Variants in TDRD5 observed in about 807,000 individuals in gnomAD.
TDRD5 encodes tudor domain containing 5.
Under a neutral mutation model 120.6 loss-of-function variants are expected in TDRD5, and 41 were observed. That is an observed-to-expected ratio of 0.34 (90% CI 0.26 to 0.44). The LOEUF (loss-of-function observed/expected upper bound fraction) is 0.44. Ranked by LOEUF, TDRD5 falls within the 20% of genes least tolerant of loss-of-function variation. TDRD5 has a pLI of 1.00. For synonymous variants in TDRD5, 430 were observed against 433.7 expected (o/e 0.99, Z 0.11); for missense variants, 1,006 against 1,221.2 (o/e 0.82, Z 2.63).
intron 4 of TDRD5, among the ~76,000 whole-genome samples, chr1:179,612,500 C>A (rs1676335074): frequency 1.3e-5 from 2 of 152,178 alleles, no homozygotes; most frequent in Admixed American, 1.3e-4. Flanking sequence ...CCCAGGTCAT[C>A]AGAATTTTCT....
chr1:179,631,780 T>C (rs1208071953), intron 7 of TDRD5, among the ~76,000 whole-genome samples: 1 of 151,650 alleles, frequency 6.6e-6, no homozygotes, highest in Non-Finnish European at 1.5e-5. Flanking sequence ...TTTACCAGTT[T>C]TTCCAAGAAT....
chr1:179,605,721 T>C (rs1016215044), intron 4 of TDRD5, among the ~76,000 whole-genome samples: 3 of 152,198 alleles, frequency 2.0e-5, no homozygotes, highest in African/African-American at 7.2e-5. Context: ...TTCTACAGCA[T>C]GTAGCCTTTC....
chr1:179,628,319 C>CT (rs1282761458), intron 6 of TDRD5, among the ~76,000 whole-genome samples: 11 of 76,338 alleles, frequency 1.4e-4, no homozygotes, highest in African/African-American at 4.3e-4. Context: ...CTTTTCTTTT[C>CT]TTTTCTTTTT....
intron 6 of TDRD5, among the ~76,000 whole-genome samples, chr1:179,628,469 T>G (rs1304489952): frequency 1.6e-5 from 2 of 127,812 alleles, no homozygotes; most frequent in Non-Finnish European, 3.5e-5. Context: ...CAGCTAAGTT[T>G]TTTTTTTTTT....
intron 3 of TDRD5, among the ~76,000 whole-genome samples, 197 bp from the exon 4 acceptor site, chr1:179,595,431 T>A (rs1192685555): frequency 6.6e-6 from 1 of 152,198 alleles, no homozygotes; most frequent in African/African-American, 2.4e-5. Flanking sequence ...ATGATCTCTG[T>A]CTTCCTCTAT....
chr1:179,600,166 C>T (rs1193654186), intron 4 of TDRD5, among the ~76,000 whole-genome samples: 3 of 152,044 alleles, frequency 2.0e-5, no homozygotes, highest in Admixed American at 6.6e-5. Flanking sequence ...TTTAGTATAG[C>T]CTAAGTGTAT....
intron 4 of TDRD5, among the ~76,000 whole-genome samples, chr1:179,607,492 G>A (rs1241477633): frequency 1.3e-5 from 2 of 151,958 alleles, no homozygotes; most frequent in South Asian, 2.1e-4. Context: ...TCTTTGCCTT[G>A]TACCTGGTTA....
chr1:179,675,167 G>A (rs1386698171), intron 17 of TDRD5, among the ~76,000 whole-genome samples: 1 of 151,124 alleles, frequency 6.6e-6, no homozygotes, highest in African/African-American at 2.4e-5. Context: ...TTTGATATAG[G>A]CATTTAATGC....
rs1412926174 is a variant in TDRD5, at chr1:179,591,888, C to G, written c.-252C>G. On this transcript the variant is annotated 5_prime_UTR_variant, in exon 1 of 18. Coordinates refer to ENST00000444136, the MANE Select transcript of TDRD5 (RefSeq NM_001199085.3). ...CCTGCGCCGATTCGGAGAGGGCCCCCTAATCTCTACTCGGCCCGCACCAGC... is the reference window on the plus strand; with the variant it reads ...CCTGCGCCGATTCGGAGAGGGCCCCGTAATCTCTACTCGGCCCGCACCAGC... The G allele has an allele frequency of 6.6e-6, 1 of 152,366 alleles. No individual in the cohort carries two copies. Among genetic ancestry groups the G allele is most frequent in the Non-Finnish European group, 1.5e-5 (1 of 68,152 alleles). The allele number at this position is 152,366 out of a possible 1,614,324, so 9.4% of individuals were successfully genotyped here. A position where few individuals can be genotyped will look rare whatever the true frequency, so the allele number is the denominator to read the frequency against.
intron 4 of TDRD5, among the ~76,000 whole-genome samples, chr1:179,598,253 A>G (rs562349551): frequency 2.0e-5 from 3 of 152,350 alleles, no homozygotes; most frequent in African/African-American, 4.8e-5. Context: ...CAGGTGGTCT[A>G]TTGTTGACCA....
chr1:179,658,211 G>A (rs577932123), intron 14 of TDRD5, among the ~76,000 whole-genome samples: 5 of 152,050 alleles, frequency 3.3e-5, no homozygotes, highest in Middle Eastern at 3.4e-3. Flanking sequence ...TATATACCAC[G>A]TTTTCTTTAT....
chr1:179,625,980 C>T (rs942796277), intron 6 of TDRD5, among the ~76,000 whole-genome samples: 3 of 151,392 alleles, frequency 2.0e-5, no homozygotes, highest in Admixed American at 6.6e-5. Context: ...AACCAAACAC[C>T]GCATATTCTC....
intron 9 of TDRD5, among the ~76,000 whole-genome samples, chr1:179,639,613 G>A (rs557155941): frequency 6.6e-6 from 1 of 152,314 alleles, no homozygotes; most frequent in Admixed American, 6.5e-5. Context: ...GAGAATGTGA[G>A]ATCAGAAAAT....
intron 4 of TDRD5, among the ~76,000 whole-genome samples, chr1:179,611,085 C>A (rs568793695): frequency 1.3e-5 from 2 of 150,514 alleles, no homozygotes; most frequent in African/African-American, 4.9e-5. Context: ...TTTGATGGAG[C>A]CTTGCTCTGT....
At chr1:179,620,863 CTAA>C (rs1184440996) in intron 5 of TDRD5, among the ~76,000 whole-genome samples, 169 bp from the exon 6 acceptor site, 1 of 150,846 alleles carries the variant, frequency 6.6e-6, no homozygotes, top group Non-Finnish European at 1.5e-5. Context: ...TCTTTTTGTT[CTAA>C]TGTTTTTTAA....
intron 10 of TDRD5, 66 bp downstream of exon 10, chr1:179,640,117 G>C (rs1677964614): frequency 2.0e-6 from 3 of 1,529,606 alleles, no homozygotes; most frequent in South Asian, 2.3e-5. Context: ...AAGCTCTGTG[G>C]GGTTGGGATC....
At chr1:179,646,778 A>G (rs896013329) in intron 11 of TDRD5, among the ~76,000 whole-genome samples, 34 of 152,282 alleles carry the variant, frequency 2.2e-4, no homozygotes, top group African/African-American at 7.9e-4. Context: ...AAATCAATGT[A>G]CAAAAATCAC....
At chr1:179,669,485 TC>T in intron 17 of TDRD5, 81 bp downstream of exon 17, 3 of 1,487,746 alleles carry the variant, frequency 2.0e-6, no homozygotes, top group Non-Finnish European at 2.8e-6. Flanking sequence ...CCTTCATTTA[TC>T]CCTTGCAAAA....
chr1:179,616,619 T>A (rs1676578072), intron 4 of TDRD5, among the ~76,000 whole-genome samples: 1 of 152,226 alleles, frequency 6.6e-6, no homozygotes, highest in Admixed American at 6.5e-5. Flanking sequence ...TAAGGTATTC[T>A]GTAATAGGAC....
Sources: gnomAD v4.1 joint callset for allele counts (sites outside exome capture counted in the v4.1 genomes callset) on GRCh38, gnomAD v4.1.1 for gene constraint, MANE v1.5 for transcripts, NCBI Gene and HGNC (gene_info 2026-07-23, HGNC 2026-07-21) for gene names.